Variants in ATP8A2 observed in about 807,000 individuals in gnomAD.
ATP8A2 encodes the protein phospholipid-transporting ATPase IB.
A neutral mutation model predicts 165.6 loss-of-function variants in ATP8A2; 100 were observed. The ratio of observed to expected loss-of-function variants is 0.60; its 90% CI spans 0.51 to 0.71. The LOEUF (loss-of-function observed/expected upper bound fraction) is 0.71. Among genes scored for constraint, ATP8A2 ranks in the 30% least tolerant of loss-of-function variants. ATP8A2 has a pLI of 0.00. For missense variants in ATP8A2, 1,227 were observed against 1,479.5 expected (o/e 0.83, Z 2.80); for synonymous variants, 543 against 548.8 (o/e 0.99, Z 0.15).
At chr13:25,444,680 G>C (rs1416905938) in intron 1 of ATP8A2, among the ~76,000 whole-genome samples, 1 of 149,252 alleles carries the variant, frequency 6.7e-6, no homozygotes, top group African/African-American at 2.5e-5. Context: ...GAGTCTCACT[G>C]TGTCGCCCAG....
intron 33 of ATP8A2, among the ~76,000 whole-genome samples, chr13:25,883,128 C>G (rs1346367402): frequency 6.6e-6 from 1 of 152,184 alleles, no homozygotes; most frequent in Admixed American, 6.5e-5. Flanking sequence ...GCTCTGACCT[C>G]AGGCTGTCTC....
intron 2 of ATP8A2, among the ~76,000 whole-genome samples, chr13:25,506,928 T>C (rs1030798628): frequency 1.5e-5 from 2 of 136,304 alleles, no homozygotes; most frequent in African/African-American, 2.8e-5. Flanking sequence ...TGTGTATATA[T>C]ACAGTACAGT....
At chr13:25,881,577 T>G (rs992451683) in intron 33 of ATP8A2, among the ~76,000 whole-genome samples, 7 of 149,576 alleles carry the variant, frequency 4.7e-5, no homozygotes, top group African/African-American at 1.8e-4. Flanking sequence ...GTGTCCTCCA[T>G]GGAGAGAGAG....
chr13:25,635,812 G>A lies in ATP8A2; in HGVS notation c.2211+46113G>A, dbSNP rs571553675. Among the ~76,000 whole-genome samples the A allele has an allele frequency of 3.9e-5, 6 of 152,286 alleles. No homozygotes were observed. The East Asian group carries it at 1.2e-3, about 29-fold the overall frequency. On this transcript the variant is annotated intron_variant, in intron 24 of 36. Coordinates refer to ENST00000381655, the MANE Select transcript of ATP8A2 (RefSeq NM_016529.6). Reference sequence around the variant, plus strand: ...CTCTCTGCTTTGGAAAGACATAAAAGGAAAAGCTGGACCTTTGTCCTCAAG... The same window carrying A: ...CTCTCTGCTTTGGAAAGACATAAAAAGAAAAGCTGGACCTTTGTCCTCAAG...
At chr13:25,636,772 G>C (rs899484273) in intron 24 of ATP8A2, among the ~76,000 whole-genome samples, 2 of 151,964 alleles carry the variant, frequency 1.3e-5, no homozygotes, top group African/African-American at 4.8e-5. Flanking sequence ...AACAACTTTT[G>C]GTTTAGTTTT....
chr13:25,495,624 CTTT>C (rs11369713), intron 2 of ATP8A2, among the ~76,000 whole-genome samples: 96 of 88,224 alleles, frequency 1.1e-3, no homozygotes, highest in Non-Finnish European at 1.3e-3. Flanking sequence ...GCATGCCTTG[CTTT>C]TTTTTTTTTT....
At chr13:25,963,199 T>G (rs938605415) in intron 34 of ATP8A2, among the ~76,000 whole-genome samples, 1 of 151,898 alleles carries the variant, frequency 6.6e-6, no homozygotes, top group East Asian at 1.9e-4. Context: ...GTCAAGACCA[T>G]CCTGGCCAAC....
At chr13:25,818,787 G>C (rs1951089338) in intron 27 of ATP8A2, among the ~76,000 whole-genome samples, 1 of 152,240 alleles carries the variant, frequency 6.6e-6, no homozygotes, top group African/African-American at 2.4e-5. Flanking sequence ...AGCACCTACT[G>C]TGTGCCCACC....
Position 25,812,309 on chromosome 13 carries a change from C to T in ATP8A2, c.2680-15809C>T, listed in dbSNP as rs533481156. On this transcript the variant is annotated intron_variant, in intron 27 of 36. Transcript: ENST00000381655. ...CCTTCCTTCTGAAGCACCCTCTCCT[C>T]CAGTCCCTATCTGGACTGCTTGCTC... 1.1e-3 allele frequency among the ~76,000 whole-genome samples: 170 copies of T among 150,376 alleles called. 1 individual carries two copies. Among genetic ancestry groups the T allele is most frequent in the Non-Finnish European group, 2.2e-3 (147 of 67,704 alleles).
chr13:25,927,451 A>G (rs1223747605), intron 33 of ATP8A2, among the ~76,000 whole-genome samples: 3 of 152,238 alleles, frequency 2.0e-5, no homozygotes, highest in African/African-American at 7.2e-5. Context: ...TCATAATGCC[A>G]GTTAGCATTT....
intron 24 of ATP8A2, among the ~76,000 whole-genome samples, chr13:25,644,881 G>A (rs976316137): frequency 5.3e-5 from 8 of 152,014 alleles, no homozygotes; most frequent in African/African-American, 1.5e-4. Flanking sequence ...TTGGATTTCC[G>A]TGCTGTCAGT....
At chr13:25,862,032 A>G (rs906617889) in intron 32 of ATP8A2, among the ~76,000 whole-genome samples, 8 of 152,162 alleles carry the variant, frequency 5.3e-5, no homozygotes, top group Admixed American at 2.0e-4. Context: ...CGCTGTTACT[A>G]TGGGAGAAAT....
At chr13:25,555,802 C>G (rs948317946) in intron 13 of ATP8A2, among the ~76,000 whole-genome samples, 2 of 151,924 alleles carry the variant, frequency 1.3e-5, no homozygotes, top group Non-Finnish European at 2.9e-5. Flanking sequence ...TCCCCAGTGT[C>G]TCTTGTTCCC....
At chr13:25,758,161 C>T (rs1055078142) in intron 25 of ATP8A2, among the ~76,000 whole-genome samples, 2 of 152,118 alleles carry the variant, frequency 1.3e-5, no homozygotes, top group African/African-American at 4.8e-5. Context: ...AAACTCATAG[C>T]CTTAATCTTT....
intron 33 of ATP8A2, among the ~76,000 whole-genome samples, chr13:25,931,384 G>A (rs1954765692): frequency 6.6e-6 from 1 of 152,086 alleles, no homozygotes; most frequent in Non-Finnish European, 1.5e-5. Context: ...AATACCTCTG[G>A]CCCCAAGCTT....
intron 33 of ATP8A2, among the ~76,000 whole-genome samples, chr13:25,870,745 A>G (rs573564678): frequency 6.6e-6 from 1 of 152,312 alleles, no homozygotes; most frequent in South Asian, 2.1e-4. Flanking sequence ...ATGATGAACC[A>G]GGTGTTTGAG....
rs576986343 is a variant in ATP8A2, at chr13:25,512,873, C to T, written c.222-17126C>T. 7.0e-4 allele frequency among the ~76,000 whole-genome samples: 99 copies of T among 142,318 alleles called. 1 individual carries two copies. Among genetic ancestry groups the T allele is most frequent in the African/African-American group, 2.5e-3 (95 of 38,180 alleles). The allele number at this position is 142,318 out of a possible 152,430, so 93.4% of individuals were successfully genotyped here. On this transcript the variant is annotated intron_variant, in intron 2 of 36. Transcript: ENST00000381655. ...GTAGGGGCGGCCAGGCAGAGGCGCC[C>T]CTCACCTCCCGGACGGGGTGGCTGG... is the stretch of plus-strand genomic sequence containing the variant.
chr13:25,774,779 G>A lies in ATP8A2; in HGVS notation c.2569-70G>A, dbSNP rs116778452. Reference sequence around the variant, plus strand: ...TACATTATCTGACTTCTGTTCATAAGGACATTCTGTTTGTGACTTTTATTC... The same window carrying A: ...TACATTATCTGACTTCTGTTCATAAAGACATTCTGTTTGTGACTTTTATTC... On this transcript the variant is annotated intron_variant, in intron 26 of 36. Transcript: ENST00000381655. The A allele has an allele frequency of 1.0e-3, 894 of 880,902 alleles. 6 individuals carry two copies. In the African/African-American group the frequency reaches 0.013, roughly 13 times the overall value. 54.6% of individuals were successfully genotyped at this position (880,902 alleles called of 1,614,324 possible).
intron 27 of ATP8A2, among the ~76,000 whole-genome samples, chr13:25,782,330 C>A (rs373801728): frequency 5.9e-5 from 9 of 152,208 alleles, no homozygotes; most frequent in African/African-American, 1.9e-4. Flanking sequence ...TTAAAAATAT[C>A]ATTGACATAT....
Sources: allele counts gnomAD v4.1 joint callset (sites outside exome capture counted in the v4.1 genomes callset), GRCh38; gene constraint gnomAD v4.1.1; transcripts MANE v1.5; gene names NCBI Gene and HGNC (gene_info 2026-07-23, HGNC 2026-07-21).